CACNA1C: variants seen among roughly 807,000 people sequenced by gnomAD.
CACNA1C encodes voltage-dependent L-type calcium channel subunit alpha-1C.
A neutral mutation model predicts 229.0 loss-of-function variants in CACNA1C; 30 were observed. That is an observed-to-expected ratio of 0.13 (90% CI 0.10 to 0.18). The LOEUF (loss-of-function observed/expected upper bound fraction) is 0.18. Among genes scored for constraint, CACNA1C ranks in the 10% least tolerant of loss-of-function variants. CACNA1C has a pLI of 1.00. For missense variants in CACNA1C, 1,658 were observed against 2,845.0 expected (o/e 0.58, Z 9.49); for synonymous variants, 1,114 against 1,132.5 (o/e 0.98, Z 0.33).
Position 2,210,024 on chromosome 12 carries a change from GAA to G in CACNA1C, c.477+89596_477+89597del, listed in dbSNP as rs980012416. Among the ~76,000 whole-genome samples, 25 of 152,190 alleles carry G rather than the reference GAA, an allele frequency of 1.6e-4. 1 individual carries two copies. The highest frequency in any genetic ancestry group is 2.4e-5 in the African/African-American group (1 of 41,458). On this transcript the variant is annotated intron_variant, in intron 3 of 46. Transcript: ENST00000399655. The stretch of plus-strand genomic sequence containing the variant: ...GGGAAGAGAGAGAGATTGAAAGAGA[GAA>G]AGAGATGCTTATCCTTTTCTCCAGG...
chr12:2,588,721 A>T (rs2063716525), intron 18 of CACNA1C, among the ~76,000 whole-genome samples: 1 of 152,198 alleles, frequency 6.6e-6, no homozygotes, highest in Non-Finnish European at 1.5e-5. Context: ...CCCTAATTAT[A>T]GAGAAAAACC....
intron 3 of CACNA1C, among the ~76,000 whole-genome samples, chr12:2,390,983 G>A (rs1239470729): frequency 2.0e-5 from 3 of 152,182 alleles, no homozygotes; most frequent in Non-Finnish European, 4.4e-5. Context: ...CAGCAGTGGT[G>A]GTGTGTTGCT....
rs1555107795 is a variant in CACNA1C at position 2,067,479 on chromosome 12, T to TGCGCGC, written c.49+13869_49+13870insCGCGCG. On this transcript the variant is annotated intron_variant, in intron 1 of 46. Coordinates refer to ENST00000399655, the MANE Select transcript of CACNA1C (RefSeq NM_000719.7). The surrounding 1 kb of genome is among the most constrained non-coding windows in gnomAD (Gnocchi z 5.3). Reference sequence around the variant, plus strand: ...GTGTGTGTGTGTGTGTGTGTGTGTGTGTGCGCGCGTGTGCGTGCCTGTATG... The same window carrying TGCGCGC: ...GTGTGTGTGTGTGTGTGTGTGTGTGTGCGCGCGTGCGCGCGTGTGCGTGCCTGTATG... Among the ~76,000 whole-genome samples the TGCGCGC allele has an allele frequency of 7.9e-6, 1 of 126,946 alleles. No individual in the cohort carries two copies. The highest frequency in any genetic ancestry group is 2.9e-5 in the African/African-American group (1 of 34,318). 83.3% of individuals were successfully genotyped at this position (126,946 alleles called of 152,430 possible).
In CACNA1C at chr12:2,285,121, C is replaced by A. The variant is rs1046309661; in HGVS notation, c.478-163855C>A. 5.9e-5 allele frequency among the ~76,000 whole-genome samples: 9 copies of A among 152,198 alleles called. No homozygotes were observed. Among genetic ancestry groups the A allele is most frequent in the African/African-American group, 2.2e-4 (9 of 41,446 alleles). ...TGCTGACGGCAGCCTGTCACTCACA[C>A]CTTGCTCCCTCTGTAGAAACACTCT... On this transcript the variant is annotated intron_variant, in intron 3 of 46. Coordinates refer to ENST00000399655, the MANE Select transcript of CACNA1C (RefSeq NM_000719.7). The surrounding 1 kb of genome is among the most constrained non-coding windows in gnomAD (Gnocchi z 4.2).
chr12:2,215,562 TAAC>T lies in CACNA1C; in HGVS notation c.477+95134_477+95136del, dbSNP rs1345619567. Reference sequence around the variant, plus strand: ...CCACAGTCCCTGTCCCCCACACCGTTAACACTTTTACATCAGCATTGCACATGG... The same window carrying T: ...CCACAGTCCCTGTCCCCCACACCGTTACTTTTACATCAGCATTGCACATGG... On this transcript the variant is annotated intron_variant, in intron 3 of 46. Transcript: ENST00000399655. This position sits in a 1 kb window ranked among gnomAD's most constrained non-coding sequence, Gnocchi z 5.0. 6.6e-6 allele frequency among the ~76,000 whole-genome samples: 1 copy of T among 152,190 alleles called. No individual in the cohort carries two copies. The highest frequency in any genetic ancestry group is 1.5e-5 in the Non-Finnish European group (1 of 68,038).
intron 9 of CACNA1C, among the ~76,000 whole-genome samples, chr12:2,537,278 G>A (rs900287814): frequency 1.3e-5 from 2 of 152,168 alleles, no homozygotes; most frequent in African/African-American, 2.4e-5. Context: ...GATCTACCCG[G>A]GTTCAAATCC....
chr12:2,014,932 C>T (rs916420844), intron 1 of CACNA1C, among the ~76,000 whole-genome samples: 1 of 152,208 alleles, frequency 6.6e-6, no homozygotes, highest in Non-Finnish European at 1.5e-5. Context: ...GCAATCCCTT[C>T]CTGCTCACGG....
At chr12:2,117,032 G>T (rs1262903650) in intron 2 of CACNA1C, among the ~76,000 whole-genome samples, 1 of 152,232 alleles carries the variant, frequency 6.6e-6, no homozygotes, top group African/African-American at 2.4e-5. Flanking sequence ...ACTTTGGGAA[G>T]CCAAGGCAGG....
chr12:2,538,593 C>T (rs1253471705), intron 9 of CACNA1C, among the ~76,000 whole-genome samples: 1 of 152,306 alleles, frequency 6.6e-6, no homozygotes, highest in Admixed American at 6.5e-5. Flanking sequence ...CAGAGTTGTA[C>T]TGTGACCTGC....
intron 1 of CACNA1C, among the ~76,000 whole-genome samples, chr12:2,085,043 G>A (rs2154063794): frequency 6.6e-6 from 1 of 152,262 alleles, no homozygotes; most frequent in East Asian, 1.9e-4. Flanking sequence ...TTTTAATTTA[G>A]TGTTCAAAAG....
chr12:2,623,277 A>T (rs998022992), intron 29 of CACNA1C, among the ~76,000 whole-genome samples: 1 of 151,972 alleles, frequency 6.6e-6, no homozygotes, highest in Non-Finnish European at 1.5e-5. Flanking sequence ...CCCCTGCCGT[A>T]GCCTCTCTGG....
At chr12:2,687,991 C>T (rs1201003048) in intron 45 of CACNA1C, among the ~76,000 whole-genome samples, 1 of 152,380 alleles carries the variant, frequency 6.6e-6, no homozygotes, top group African/African-American at 2.4e-5. Context: ...AGGTGCACAG[C>T]GCTTCTTCAC....
In CACNA1C at chr12:2,336,921, G is replaced by GA. The variant is rs1367263255; in HGVS notation, c.478-112051dup. On this transcript the variant is annotated intron_variant, in intron 3 of 46. Transcript: ENST00000399655. ...CTCTTTTAAGAGTAAGACACCGCAA[G>GA]AAAAGGTGGCTTCCCCTGGAAAGGT... Among the ~76,000 whole-genome samples, 10 of 152,306 alleles carry GA rather than the reference G, an allele frequency of 6.6e-5. No homozygotes were observed. The East Asian group carries it at 1.7e-3, about 26-fold the overall frequency.
chr12:2,107,078 G>A (rs1223969421), intron 1 of CACNA1C, among the ~76,000 whole-genome samples: 20 of 104,376 alleles, frequency 1.9e-4, no homozygotes, highest in African/African-American at 5.2e-4. Flanking sequence ...CTCACCCCAG[G>A]GAGGGTTTCC....
intron 3 of CACNA1C, among the ~76,000 whole-genome samples, chr12:2,198,433 C>T (rs2154312982): frequency 6.6e-6 from 1 of 152,264 alleles, no homozygotes; most frequent in Non-Finnish European, 1.5e-5. Context: ...GAGGATGACT[C>T]ACCGTTTAAC....
At chr12:2,490,060 A>G (rs1333940163) in intron 6 of CACNA1C, among the ~76,000 whole-genome samples, 2 of 152,248 alleles carry the variant, frequency 1.3e-5, no homozygotes, top group African/African-American at 4.8e-5. Flanking sequence ...AGCGCTTTTT[A>G]TAGATACCTA....
At position 2,324,545 on chromosome 12, in the gene CACNA1C, C is replaced by T. The variant is rs557497677; in HGVS notation, c.478-124431C>T. Reference sequence around the variant, plus strand: ...CTTGCACTCGGAGCTGCCCGGGCCCCGCCTCCCCAGGAGAAAAGGCTCCCT... The same window carrying T: ...CTTGCACTCGGAGCTGCCCGGGCCCTGCCTCCCCAGGAGAAAAGGCTCCCT... On this transcript the variant is annotated intron_variant, in intron 3 of 46. Coordinates refer to ENST00000399655, the MANE Select transcript of CACNA1C (RefSeq NM_000719.7). 8.0e-4 allele frequency among the ~76,000 whole-genome samples: 122 copies of T among 152,348 alleles called. 1 individual carries two copies. The highest frequency in any genetic ancestry group is 9.0e-4 in the Non-Finnish European group (61 of 68,040).
chr12:2,161,974 G>A (rs186902168), intron 3 of CACNA1C, among the ~76,000 whole-genome samples: 5 of 152,284 alleles, frequency 3.3e-5, no homozygotes, highest in Non-Finnish European at 7.4e-5. Flanking sequence ...TCTGTTTCTC[G>A]TGATATGTTC....
intron 3 of CACNA1C, among the ~76,000 whole-genome samples, chr12:2,405,513 C>T (rs1595416555): frequency 6.6e-6 from 1 of 152,128 alleles, no homozygotes; most frequent in Non-Finnish European, 1.5e-5. Flanking sequence ...GCTTTTCTTG[C>T]GTTTCTGTGG....
Sources: allele counts gnomAD v4.1 joint callset (sites outside exome capture counted in the v4.1 genomes callset), GRCh38; gene constraint gnomAD v4.1.1; non-coding constraint Gnocchi (gnomAD v3.1); transcripts MANE v1.5; gene names NCBI Gene and HGNC (gene_info 2026-07-23, HGNC 2026-07-21).